Variants in SGCG observed in about 807,000 individuals in gnomAD.
The protein encoded by SGCG is sarcoglycan gamma.
In SGCG, 26 loss-of-function variants were observed where a neutral mutation model predicts 29.3. That is an observed-to-expected ratio of 0.89 (90% CI 0.65 to 1.23). The LOEUF (loss-of-function observed/expected upper bound fraction) is 1.23, where lower values mean the gene tolerates loss of function less well. Ranked by LOEUF, SGCG falls within the 50% of genes most tolerant of loss-of-function variation. The pLI, the probability that SGCG is intolerant of heterozygous loss-of-function variation, is 0.00. For synonymous variants in SGCG, 145 were observed against 129.7 expected, an observed-to-expected ratio of 1.12 and a Z score of -0.80; for missense variants, 353 against 356.0, an observed-to-expected ratio of 0.99 and a Z score of 0.07.
chr13:23,260,584 C>T (rs1346457652), intron 4 of SGCG, among the ~76,000 whole-genome samples: 1 of 152,118 alleles, frequency 6.6e-6, no homozygotes, highest in Non-Finnish European at 1.5e-5. Flanking sequence ...TTGATCCTGT[C>T]ATTATGATGT....
intron 6 of SGCG, among the ~76,000 whole-genome samples, chr13:23,318,339 TGAGAA>T (rs902913412): frequency 3.3e-5 from 5 of 151,262 alleles, no homozygotes; most frequent in African/African-American, 7.3e-5. Context: ...ATTGAACTAA[TGAGAA>T]GAGAGTGAAT....
chr13:23,179,199 G>A (rs1334598715), upstream of SGCG, among the ~76,000 whole-genome samples: 1 of 152,174 alleles, frequency 6.6e-6, no homozygotes, highest in East Asian at 1.9e-4. Context: ...ATGTGTGTGT[G>A]TGAGTTACAA....
At chr13:23,262,038 C>G (rs1880457341) in intron 4 of SGCG, among the ~76,000 whole-genome samples, 1 of 151,944 alleles carries the variant, frequency 6.6e-6, no homozygotes, top group Non-Finnish European at 1.5e-5. Context: ...GGTCAATACA[C>G]ACCAGAATAG....
At position 23,213,776 on chromosome 13, in the gene SGCG, C is replaced by G. The variant is rs574240526; in HGVS notation, c.195+9887C>G. Among the ~76,000 whole-genome samples, 202 of 152,204 alleles carry G rather than the reference C, an allele frequency of 1.3e-3. 2 individuals are homozygous for G. The highest frequency in any genetic ancestry group is 4.6e-3 in the African/African-American group (193 of 41,536). ...GTGTATCTTAAGATATCTTTGTTCCCCATTCCACTTTGCTTGCCTTCATCG... is the reference window on the plus strand; with the variant it reads ...GTGTATCTTAAGATATCTTTGTTCCGCATTCCACTTTGCTTGCCTTCATCG... On this transcript the variant is annotated intron_variant, in intron 2 of 7. Coordinates refer to ENST00000218867, the MANE Select transcript of SGCG (RefSeq NM_000231.3).
chr13:23,237,717 A>C (rs560310100), intron 3 of SGCG, among the ~76,000 whole-genome samples: 1 of 152,224 alleles, frequency 6.6e-6, no homozygotes, highest in South Asian at 2.1e-4. Context: ...CAGACTTTAG[A>C]CAGACTGGTA....
chr13:23,281,482 A>G (rs2137621168), intron 5 of SGCG, among the ~76,000 whole-genome samples: 1 of 152,250 alleles, frequency 6.6e-6, no homozygotes, highest in Non-Finnish European at 1.5e-5. Context: ...TGCTGATGCC[A>G]CAGCTCTGGG....
At chr13:23,237,799 TA>T (rs35050714) in intron 3 of SGCG, among the ~76,000 whole-genome samples, 74,437 of 143,026 alleles carry the variant, frequency 0.52, 19,420 homozygotes, top group East Asian at 0.87. Context: ...AATCTTCATC[TA>T]AAAAAAAAAA....
intron 2 of SGCG, among the ~76,000 whole-genome samples, chr13:23,206,000 A>C (rs1206485051): frequency 6.6e-6 from 1 of 152,234 alleles, no homozygotes; most frequent in Non-Finnish European, 1.5e-5. Flanking sequence ...ATGTGGAATG[A>C]CATAAATGAC....
intron 5 of SGCG, among the ~76,000 whole-genome samples, chr13:23,284,714 T>C (rs1881431915): frequency 6.6e-6 from 1 of 152,234 alleles, no homozygotes; most frequent in Admixed American, 6.5e-5. Flanking sequence ...TTCAGCCTTT[T>C]TATGCTGGTT....
intron 5 of SGCG, among the ~76,000 whole-genome samples, chr13:23,286,091 A>T (rs145204586): frequency 1.2e-4 from 18 of 152,292 alleles, no homozygotes; most frequent in African/African-American, 4.1e-4. Context: ...ACAATGGGTA[A>T]CTTTTTGAGA....
intron 4 of SGCG, among the ~76,000 whole-genome samples, chr13:23,261,937 C>A (rs1880452743): frequency 6.6e-6 from 1 of 152,044 alleles, no homozygotes; most frequent in South Asian, 2.1e-4. Context: ...AAAATAAAGT[C>A]TTTATCAGAC....
chr13:23,200,425 A>C (rs1366453338), intron 1 of SGCG, among the ~76,000 whole-genome samples: 2 of 152,098 alleles, frequency 1.3e-5, no homozygotes, highest in Non-Finnish European at 2.9e-5. Flanking sequence ...TCTGTTTCAA[A>C]AAACAAACAA....
At chr13:23,256,005 A>G (rs374660626) in intron 4 of SGCG, among the ~76,000 whole-genome samples, 3 of 152,208 alleles carry the variant, frequency 2.0e-5, no homozygotes, top group Admixed American at 6.5e-5. Context: ...GCCATCACAC[A>G]GATTCTCTAT....
upstream of SGCG, among the ~76,000 whole-genome samples, chr13:23,178,850 C>T (rs1876639246): frequency 6.6e-6 from 1 of 152,110 alleles, no homozygotes; most frequent in African/African-American, 2.4e-5. Context: ...ACAGGGTTAT[C>T]AATGCCCAAA....
At chr13:23,183,232 A>G (rs1876815098) in intron 1 of SGCG, among the ~76,000 whole-genome samples, 1 of 152,084 alleles carries the variant, frequency 6.6e-6, no homozygotes, top group Non-Finnish European at 1.5e-5. Flanking sequence ...AAAGTTTCTG[A>G]CTTCTTAGTA....
upstream of SGCG, among the ~76,000 whole-genome samples, chr13:23,176,503 CT>C (rs982202131): frequency 8.6e-5 from 13 of 151,838 alleles, no homozygotes; most frequent in East Asian, 1.2e-3. Context: ...CCATTTTAAT[CT>C]TTTTTTTATA....
At chr13:23,222,616 A>G (rs1593181571) in intron 2 of SGCG, among the ~76,000 whole-genome samples, 1 of 151,914 alleles carries the variant, frequency 6.6e-6, no homozygotes, top group Non-Finnish European at 1.5e-5. Flanking sequence ...ACTTGAGACC[A>G]GGAGTTTGAG....
chr13:23,180,036 C>T (rs945608419), upstream of SGCG, among the ~76,000 whole-genome samples: 7 of 152,104 alleles, frequency 4.6e-5, no homozygotes, highest in African/African-American at 1.4e-4. Context: ...TCCCTCCCTC[C>T]TTCCTCAAGC....
chr13:23,291,123 C>T (rs891057396), intron 5 of SGCG, among the ~76,000 whole-genome samples: 1 of 152,094 alleles, frequency 6.6e-6, no homozygotes, highest in Non-Finnish European at 1.5e-5. Context: ...AAACCATTTA[C>T]CATGTCTAAT....
Sources: allele counts gnomAD v4.1 joint callset (sites outside exome capture counted in the v4.1 genomes callset), GRCh38; gene constraint gnomAD v4.1.1; transcripts MANE v1.5; gene names NCBI Gene and HGNC (gene_info 2026-07-23, HGNC 2026-07-21).